The following TSPEAR variants were observed in gnomAD, a reference collection of about 807,000 sequenced individuals.
The protein encoded by TSPEAR is thrombospondin type laminin G domain and EAR repeats.
Under a neutral mutation model 71.6 loss-of-function variants are expected in TSPEAR, and 69 were observed. That is an observed-to-expected ratio of 0.96 (90% CI 0.79 to 1.18). TSPEAR has a LOEUF of 1.18. Ranked by LOEUF, TSPEAR falls within the 50% of genes most tolerant of loss-of-function variation. The pLI is 0.00. For synonymous variants in TSPEAR, 402 were observed against 387.2 expected (o/e 1.04, Z -0.45); for missense variants, 971 against 894.9 (o/e 1.09, Z -1.09).
chr21:44,511,300 C>T (rs587712185), intron 9 of TSPEAR, among the ~76,000 whole-genome samples: 30 of 152,308 alleles, frequency 2.0e-4, no homozygotes, highest in South Asian at 1.0e-3. Context: ...GTGCACTGTG[C>T]GCACACACAC....
chr21:44,589,959 G>C (rs962453180), intron 1 of TSPEAR, among the ~76,000 whole-genome samples: 7 of 152,258 alleles, frequency 4.6e-5, no homozygotes, highest in African/African-American at 1.7e-4. Context: ...GCCCCTGGAG[G>C]CTCTCATTTG....
intron 9 of TSPEAR, among the ~76,000 whole-genome samples, chr21:44,511,391 CATGCACAG>C (rs587618827): frequency 2.6e-4 from 40 of 152,334 alleles, no homozygotes; most frequent in African/African-American, 9.6e-4. Context: ...TACATTTTTA[CATGCACAG>C]ATGCACATGC....
intron 1 of TSPEAR, among the ~76,000 whole-genome samples, chr21:44,637,132 G>C (rs1353961222): frequency 1.3e-5 from 2 of 152,156 alleles, no homozygotes; most frequent in Non-Finnish European, 2.9e-5. Context: ...TTCCCTCCTG[G>C]TGTTCCCGGG....
intron 1 of TSPEAR, chr21:44,666,785 G>A: frequency 1.2e-6 from 2 of 1,612,158 alleles, no homozygotes; most frequent in Non-Finnish European, 8.5e-7. Flanking sequence ...CAGGCACACA[G>A]CAGGATGCCT....
chr21:44,646,639 G>A lies in TSPEAR; in HGVS notation c.82+64794C>T, dbSNP rs1385761187. The A allele has an allele frequency of 2.2e-5, 36 of 1,613,266 alleles. No individual in the cohort carries two copies. Among genetic ancestry groups the A allele is most frequent in the Non-Finnish European group, 2.9e-5 (34 of 1,179,896 alleles). ...TGTGTCCAGCCCCTGCTGCCAGGCG[G>A]CCTGTGAGCCCAGCGCCTGCCAATC... On this transcript the variant is annotated intron_variant, in intron 1 of 11. Transcript: ENST00000323084.
intron 1 of TSPEAR, among the ~76,000 whole-genome samples, chr21:44,639,142 C>A (rs1455629100): frequency 1.3e-5 from 2 of 152,172 alleles, no homozygotes; most frequent in Middle Eastern, 3.2e-3. Context: ...CATTCAGGGT[C>A]CTGGCTCCCT....
chr21:44,579,896 A>G (rs1978786690), intron 1 of TSPEAR: 1 of 1,599,372 alleles, frequency 6.3e-7, no homozygotes, highest in Admixed American at 1.7e-5. Flanking sequence ...GGGCCTGCAT[A>G]TGGGGCGGCA....
Position 44,638,608 on chromosome 21 carries a change from G to C in TSPEAR, c.83-70603C>G, listed in dbSNP as rs191700760. Among the ~76,000 whole-genome samples, 950 of 151,064 alleles carry C rather than the reference G, an allele frequency of 6.3e-3. 2 individuals carry two copies. Among genetic ancestry groups the C allele is most frequent in the African/African-American group, 0.022 (913 of 41,268 alleles). On this transcript the variant is annotated intron_variant, in intron 1 of 11. Coordinates refer to ENST00000323084, the MANE Select transcript of TSPEAR (RefSeq NM_144991.3). ...CATCCTGTCTGTGGACCCCCGAGGG[G>C]CATGGGATGAGGCAGGAAGCAATGC...
chr21:44,525,881 C>A, intron 7 of TSPEAR, 42 bp from the exon 8 acceptor site: 1 of 1,596,734 alleles, frequency 6.3e-7, no homozygotes, highest in Middle Eastern at 1.7e-4. Flanking sequence ...CTGCTTGGGT[C>A]GGTGCCAGCG....
At chr21:44,707,471 T>C (rs1414639746) in intron 1 of TSPEAR, among the ~76,000 whole-genome samples, 1 of 152,086 alleles carries the variant, frequency 6.6e-6, no homozygotes, top group Non-Finnish European at 1.5e-5. Flanking sequence ...CTCGTTATCC[T>C]GGAACCAGAG....
chr21:44,589,142 A>G (rs1555926067), intron 1 of TSPEAR, among the ~76,000 whole-genome samples: 1 of 152,168 alleles, frequency 6.6e-6, no homozygotes, highest in Non-Finnish European at 1.5e-5. Context: ...TTCCCCAATA[A>G]CCTAAATAAA....
At position 44,551,077 on chromosome 21, in the gene TSPEAR, G is replaced by C. The variant is rs374542929; in HGVS notation, c.303+16708C>G. 1.7e-4 allele frequency: 272 copies of C among 1,571,866 alleles called. No individual in the cohort carries two copies. The highest frequency in any genetic ancestry group is 2.3e-4 in the Non-Finnish European group (265 of 1,153,708). ...CAGGAGGAAGAGGCACAGCAAGCTG[G>C]CTGGCAGCTAGACTGCTGGCAGCAT... On this transcript the variant is annotated intron_variant, in intron 2 of 11. Coordinates refer to ENST00000323084, the MANE Select transcript of TSPEAR (RefSeq NM_144991.3).
intron 2 of TSPEAR, among the ~76,000 whole-genome samples, chr21:44,550,048 C>T (rs1373163462): frequency 6.6e-6 from 1 of 152,258 alleles, no homozygotes; most frequent in African/African-American, 2.4e-5. Flanking sequence ...CCCCCCGGGA[C>T]AGCCCCAACC....
At chr21:44,569,198 G>T (rs587632171) in intron 1 of TSPEAR, among the ~76,000 whole-genome samples, 13 of 152,208 alleles carry the variant, frequency 8.5e-5, no homozygotes, top group African/African-American at 3.1e-4. Flanking sequence ...GGATGGAGCA[G>T]TTCTGCAGAA....
chr21:44,678,510 A>G (rs909422963), intron 1 of TSPEAR, among the ~76,000 whole-genome samples: 2 of 152,280 alleles, frequency 1.3e-5, no homozygotes, highest in Middle Eastern at 6.8e-3. Context: ...AGCCTGCAGA[A>G]CCATAAGCCA....
At chr21:44,611,665 G>A (rs587673341) in intron 1 of TSPEAR, among the ~76,000 whole-genome samples, 1 of 152,250 alleles carries the variant, frequency 6.6e-6, no homozygotes, top group Non-Finnish European at 1.5e-5. Flanking sequence ...AGAACTCTGG[G>A]ACAGGTGGAG....
At chr21:44,600,174 C>A (rs1452450474) in intron 1 of TSPEAR, among the ~76,000 whole-genome samples, 3 of 152,158 alleles carry the variant, frequency 2.0e-5, no homozygotes, top group African/African-American at 7.2e-5. Context: ...GCTTCTCTAG[C>A]CTGGCATTCC....
chr21:44,676,843 G>A, intron 1 of TSPEAR: 1 of 956,166 alleles, frequency 1.0e-6, no homozygotes, highest in Admixed American at 1.7e-5. Flanking sequence ...TTTCTCCAAG[G>A]CTAATGTGAT....
chr21:44,609,339 T>TA (rs1981512779), intron 1 of TSPEAR, among the ~76,000 whole-genome samples: 1 of 152,250 alleles, frequency 6.6e-6, no homozygotes, highest in Non-Finnish European at 1.5e-5. Context: ...AAGGCATTTT[T>TA]AGTCATGCTA....
Sources: gnomAD v4.1 joint callset for allele counts (sites outside exome capture counted in the v4.1 genomes callset) on GRCh38, gnomAD v4.1.1 for gene constraint, MANE v1.5 for transcripts, NCBI Gene and HGNC (gene_info 2026-07-23, HGNC 2026-07-21) for gene names.